Variants in KCNT2 observed in about 807,000 individuals in gnomAD.
KCNT2 encodes the protein potassium sodium-activated channel subfamily T member 2, also known as potassium channel subfamily T member 2.
KCNT2 carries 67 observed loss-of-function variants against 153.8 expected under a neutral mutation model. That is an observed-to-expected ratio of 0.44 (90% CI 0.36 to 0.53). KCNT2 has a LOEUF of 0.53. KCNT2 is among the 20% of genes least tolerant of loss of function. The pLI is 0.00. For missense variants in KCNT2, 975 were observed against 1,354.8 expected (o/e 0.72, Z 4.40); for synonymous variants, 500 against 458.8 (o/e 1.09, Z -1.15).
At chr1:196,352,202 G>C (rs1650706765) in intron 14 of KCNT2, among the ~76,000 whole-genome samples, 1 of 151,828 alleles carries the variant, frequency 6.6e-6, no homozygotes, top group Non-Finnish European at 1.5e-5. Context: ...TTTGGTATCA[G>C]GATGATGCTG....
chr1:196,319,596 A>T lies in KCNT2; in HGVS notation c.2277-41T>A, dbSNP rs143640352. On this transcript the variant is annotated intron_variant, in intron 19 of 27. Coordinates refer to ENST00000294725, the MANE Select transcript of KCNT2 (RefSeq NM_198503.5). ...GTTACAAAATGAAACACAATGTCACAACAGTGGCAGCACTTCTAGGGAAAG... is the reference window on the plus strand; with the variant it reads ...GTTACAAAATGAAACACAATGTCACTACAGTGGCAGCACTTCTAGGGAAAG... 6.1e-4 allele frequency: 812 copies of T among 1,326,008 alleles called. 10 individuals carry two copies. In the East Asian group the frequency reaches 0.016, roughly 25 times the overall value. 82.1% of individuals were successfully genotyped at this position (1,326,008 alleles called of 1,614,324 possible). A position where few individuals can be genotyped will look rare whatever the true frequency, so the allele number is the denominator to read the frequency against.
At chr1:196,257,354 T>G in intron 26 of KCNT2, 1 of 979,626 alleles carries the variant, frequency 1.0e-6, no homozygotes, top group Non-Finnish European at 1.2e-6. Context: ...TTGCCTCATG[T>G]TGAGATTTCA....
intron 19 of KCNT2, 53 bp from the exon 20 acceptor site, chr1:196,319,608 A>G: frequency 8.6e-7 from 1 of 1,166,092 alleles, no homozygotes; most frequent in Non-Finnish European, 1.3e-6. Context: ...CAGTGGCAGC[A>G]CTTCTAGGGA....
At chr1:196,540,213 A>G (rs1055177500) in intron 1 of KCNT2, among the ~76,000 whole-genome samples, 2 of 152,186 alleles carry the variant, frequency 1.3e-5, no homozygotes, top group Non-Finnish European at 2.9e-5. Flanking sequence ...AAATATGAAC[A>G]CTTCCTTCTT....
At chr1:196,288,461 G>A (rs923062814) in intron 22 of KCNT2, among the ~76,000 whole-genome samples, 18 of 152,060 alleles carry the variant, frequency 1.2e-4, no homozygotes, top group Non-Finnish European at 2.9e-5. Context: ...AAGAGGAGGA[G>A]TGATACGATT....
At chr1:196,365,814 A>G (rs1156901627) in intron 14 of KCNT2, among the ~76,000 whole-genome samples, 3 of 152,170 alleles carry the variant, frequency 2.0e-5, no homozygotes, top group Non-Finnish European at 4.4e-5. Flanking sequence ...CAAACTGCCA[A>G]TTTTGACACC....
intron 5 of KCNT2, among the ~76,000 whole-genome samples, chr1:196,471,199 G>A (rs1171747280): frequency 2.0e-5 from 3 of 151,738 alleles, no homozygotes; most frequent in Admixed American, 6.6e-5. Flanking sequence ...GAGCCATTGC[G>A]CCCGGCCCCT....
At chr1:196,334,493 T>C (rs1031662667) in intron 16 of KCNT2, among the ~76,000 whole-genome samples, 1 of 138,996 alleles carries the variant, frequency 7.2e-6, no homozygotes, top group Non-Finnish European at 1.6e-5. Flanking sequence ...CTTTCTTTTT[T>C]TTTTTTAAGA....
intron 25 of KCNT2, chr1:196,273,486 A>T: frequency 6.5e-7 from 1 of 1,530,782 alleles, no homozygotes; most frequent in Non-Finnish European, 8.8e-7. Flanking sequence ...CTATTTTTCG[A>T]GACTGACACA....
chr1:196,479,037 A>G (rs1451623776), intron 5 of KCNT2, 142 bp downstream of exon 5: 3 of 623,028 alleles, frequency 4.8e-6, no homozygotes, highest in East Asian at 3.0e-5. Context: ...ACAGCTTTTT[A>G]TCAGCTACTG....
chr1:196,459,594 A>G (rs933309065), intron 8 of KCNT2, among the ~76,000 whole-genome samples: 1 of 151,820 alleles, frequency 6.6e-6, no homozygotes, highest in African/African-American at 2.4e-5. Flanking sequence ...ATAAAATGTC[A>G]AGTTATCATT....
chr1:196,429,476 A>T, intron 9 of KCNT2, 101 bp downstream of exon 9: 1 of 614,814 alleles, frequency 1.6e-6, no homozygotes, highest in Non-Finnish European at 2.7e-6. Context: ...TTAGTAAATT[A>T]GTGTTAGATA....
chr1:196,500,320 G>A (rs150514604), intron 1 of KCNT2, among the ~76,000 whole-genome samples: 7,617 of 134,528 alleles, frequency 0.057, 373 homozygotes, highest in Non-Finnish European at 0.085. Flanking sequence ...GAGGGAGGGA[G>A]GGAAAGAAAG....
intron 25 of KCNT2, among the ~76,000 whole-genome samples, chr1:196,276,294 T>A (rs1314617639): frequency 6.6e-6 from 1 of 152,098 alleles, no homozygotes; most frequent in African/African-American, 2.4e-5. Context: ...ATTCATTTCC[T>A]GCACACATTC....
intron 22 of KCNT2, among the ~76,000 whole-genome samples, chr1:196,286,603 T>A (rs1336269471): frequency 6.7e-6 from 1 of 150,348 alleles, no homozygotes. Context: ...AGTTTGCAAC[T>A]AATCTTCTGT....
At chr1:196,264,211 G>A (rs753658256) in intron 25 of KCNT2, among the ~76,000 whole-genome samples, 1 of 152,024 alleles carries the variant, frequency 6.6e-6, no homozygotes, top group Non-Finnish European at 1.5e-5. Context: ...TCATGTAACT[G>A]CTAACCACTT....
At chr1:196,306,023 A>T (rs896878288) in intron 21 of KCNT2, among the ~76,000 whole-genome samples, 1 of 152,066 alleles carries the variant, frequency 6.6e-6, no homozygotes, top group Non-Finnish European at 1.5e-5. Context: ...CGCTCACACA[A>T]GATTTCTTTC....
intron 22 of KCNT2, among the ~76,000 whole-genome samples, chr1:196,292,993 T>C: frequency 6.6e-6 from 1 of 151,052 alleles, no homozygotes; most frequent in East Asian, 1.9e-4. Context: ...ACAAACTACC[T>C]GAAAAAATAA....
At chr1:196,599,226 A>C (rs1664435672) in intron 1 of KCNT2, among the ~76,000 whole-genome samples, 1 of 152,246 alleles carries the variant, frequency 6.6e-6, no homozygotes, top group Admixed American at 6.5e-5. Flanking sequence ...TGTTGTTAAC[A>C]ACTAGTTGTT....
Sources: gnomAD v4.1 joint callset for allele counts (sites outside exome capture counted in the v4.1 genomes callset) on GRCh38, gnomAD v4.1.1 for gene constraint, MANE v1.5 for transcripts, NCBI Gene and HGNC (gene_info 2026-07-23, HGNC 2026-07-21) for gene names.